The following HCRTR2 variants were observed in gnomAD, a reference collection of about 807,000 sequenced individuals.
HCRTR2 encodes orexin receptor type 2.
A neutral mutation model predicts 49.0 loss-of-function variants in HCRTR2; 22 were observed. The ratio of observed to expected loss-of-function variants is 0.45; its 90% CI spans 0.32 to 0.64. HCRTR2 has a LOEUF of 0.64. Ranked by LOEUF, HCRTR2 falls within the 30% of genes least tolerant of loss-of-function variation. The probability of loss-of-function intolerance (pLI) is 0.04; values close to 1 mark genes in which losing one functional copy is unlikely to be tolerated. For synonymous variants in HCRTR2, 236 were observed against 205.3 expected, an observed-to-expected ratio of 1.15 and a Z score of -1.28; for missense variants, 491 against 559.4, an observed-to-expected ratio of 0.88 and a Z score of 1.23.
intron 1 of HCRTR2, among the ~76,000 whole-genome samples, chr6:55,115,321 G>T (rs535142312): frequency 6.6e-6 from 1 of 151,702 alleles, no homozygotes; most frequent in Admixed American, 6.6e-5. Context: ...TCAGAGTAGA[G>T]ACTTTTCATT....
intron 5 of HCRTR2, among the ~76,000 whole-genome samples, chr6:55,278,723 TATTA>T (rs1390658573): frequency 9.6e-5 from 13 of 135,980 alleles, no homozygotes; most frequent in Admixed American, 8.5e-4. Flanking sequence ...CTTTGCTTCT[TATTA>T]ATTATTATTA....
In HCRTR2 at chr6:55,263,648, C is replaced by CT. The variant is rs565500416; in HGVS notation, c.647-53dup. 5.5e-3 allele frequency: 4,803 copies of CT among 876,866 alleles called. 15 individuals carry two copies. Among genetic ancestry groups the CT allele is most frequent in the Non-Finnish European group, 6.5e-3 (3,412 of 525,592 alleles). The allele number at this position is 876,866 out of a possible 1,614,324, so 54.3% of individuals were successfully genotyped here. A position where few individuals can be genotyped will look rare whatever the true frequency, so the allele number is the denominator to read the frequency against. ...TTTGAAGAAAAGCATTGACATGTAT[C>CT]TTTTTTAAAAGTCCATCAATTGTAA... On this transcript the variant is annotated intron_variant, in intron 3 of 6. Coordinates refer to ENST00000370862, the MANE Select transcript of HCRTR2 (RefSeq NM_001384272.1).
At chr6:55,238,762 C>G (rs1043107278) in intron 1 of HCRTR2, among the ~76,000 whole-genome samples, 1 of 151,896 alleles carries the variant, frequency 6.6e-6, no homozygotes, top group African/African-American at 2.4e-5. Flanking sequence ...TTGTGAGAGT[C>G]AATAAGAACA....
chr6:55,247,493 T>C (rs1766468756), intron 1 of HCRTR2, among the ~76,000 whole-genome samples: 1 of 152,176 alleles, frequency 6.6e-6, no homozygotes, highest in South Asian at 2.1e-4. Flanking sequence ...TTATTCGCTA[T>C]GTAAAGATAC....
upstream of HCRTR2, among the ~76,000 whole-genome samples, chr6:55,173,622 T>C (rs1764982914): frequency 6.6e-6 from 1 of 152,202 alleles, no homozygotes; most frequent in Admixed American, 6.5e-5. Context: ...TCTGCTTAGA[T>C]TGCTACATCC....
intron 1 of HCRTR2, among the ~76,000 whole-genome samples, chr6:55,110,624 A>G (rs1018728326): frequency 3.9e-5 from 4 of 103,360 alleles, no homozygotes; most frequent in Middle Eastern, 4.5e-3. Context: ...AATTAAAAAA[A>G]AGACAAAGAG....
intron 3 of HCRTR2, among the ~76,000 whole-genome samples, chr6:55,257,203 T>C (rs1368114272): frequency 6.6e-6 from 1 of 152,140 alleles, no homozygotes; most frequent in Non-Finnish European, 1.5e-5. Context: ...GGGGACTGAC[T>C]GTGACATGTC....
chr6:55,228,482 C>T (rs1458005686), intron 1 of HCRTR2, among the ~76,000 whole-genome samples: 1 of 152,158 alleles, frequency 6.6e-6, no homozygotes, highest in Non-Finnish European at 1.5e-5. Context: ...ATCTGTGATT[C>T]TTGAGAAGTC....
chr6:55,267,258 A>G (rs1000051888), intron 4 of HCRTR2, among the ~76,000 whole-genome samples: 2 of 152,122 alleles, frequency 1.3e-5, no homozygotes, highest in Non-Finnish European at 2.9e-5. Flanking sequence ...GATGCATGAA[A>G]TCTGTTATGT....
upstream of HCRTR2, among the ~76,000 whole-genome samples, chr6:55,169,892 G>A (rs13205172): frequency 7.5e-3 from 1,135 of 151,808 alleles, 9 homozygotes; most frequent in Middle Eastern, 0.031. Flanking sequence ...GCTCCTAGCC[G>A]AACTCCTGGA....
At chr6:55,191,488 A>T (rs1470726734) in intron 1 of HCRTR2, among the ~76,000 whole-genome samples, 1 of 152,184 alleles carries the variant, frequency 6.6e-6, no homozygotes, top group Non-Finnish European at 1.5e-5. Context: ...CAATTATGTC[A>T]TGGAAAGAAT....
intron 1 of HCRTR2, among the ~76,000 whole-genome samples, chr6:55,164,551 A>G (rs555265665): frequency 6.6e-6 from 1 of 152,036 alleles, no homozygotes; most frequent in African/African-American, 2.4e-5. Flanking sequence ...ACATATTCTC[A>G]CTCATAAGTG....
chr6:55,187,489 G>A (rs187124947), intron 1 of HCRTR2, among the ~76,000 whole-genome samples: 124 of 147,964 alleles, frequency 8.4e-4, no homozygotes, highest in Admixed American at 3.4e-3. Flanking sequence ...GGTAATTCTA[G>A]CAGATCCTGG....
intron 1 of HCRTR2, among the ~76,000 whole-genome samples, chr6:55,114,310 T>G (rs201956800): frequency 6.9e-6 from 1 of 145,130 alleles, no homozygotes; most frequent in African/African-American, 2.5e-5. Context: ...TAAAAAAAAG[T>G]GATAAACTTG....
chr6:55,179,717 C>A (rs1765099277), intron 1 of HCRTR2, among the ~76,000 whole-genome samples: 1 of 152,102 alleles, frequency 6.6e-6, no homozygotes, highest in African/African-American at 2.4e-5. Context: ...ACACAATGCT[C>A]CAGTTTTTAG....
At chr6:55,169,799 C>T (rs1333606653), upstream of HCRTR2, among the ~76,000 whole-genome samples, 1 of 152,034 alleles carries the variant, frequency 6.6e-6, no homozygotes, top group Non-Finnish European at 1.5e-5. Flanking sequence ...CACAGAGTTT[C>T]TCAATAATGG....
intron 1 of HCRTR2, among the ~76,000 whole-genome samples, chr6:55,116,435 A>G (rs1033724992): frequency 6.6e-6 from 1 of 151,356 alleles, no homozygotes; most frequent in Non-Finnish European, 1.5e-5. Flanking sequence ...AGGCTAAAAT[A>G]CTTCTAGGGG....
At chr6:55,128,893 A>G (rs553703591) in intron 1 of HCRTR2, among the ~76,000 whole-genome samples, 2 of 152,232 alleles carry the variant, frequency 1.3e-5, no homozygotes, top group South Asian at 4.1e-4. Context: ...AACATCTAAA[A>G]TTTATCAGGA....
At chr6:55,240,023 C>T (rs1485859941) in intron 1 of HCRTR2, among the ~76,000 whole-genome samples, 2 of 151,860 alleles carry the variant, frequency 1.3e-5, no homozygotes, top group African/African-American at 4.8e-5. Flanking sequence ...GTGATCCCCC[C>T]GCCTCGTTCT....
Sources: allele counts gnomAD v4.1 joint callset (sites outside exome capture counted in the v4.1 genomes callset), GRCh38; gene constraint gnomAD v4.1.1; transcripts MANE v1.5; gene names NCBI Gene and HGNC (gene_info 2026-07-23, HGNC 2026-07-21).